Variants in AUTS2 observed in about 807,000 individuals in gnomAD.
The protein encoded by AUTS2 is activator of transcription and developmental regulator AUTS2, also known as autism susceptibility gene 2 protein.
Under a neutral mutation model 112.4 loss-of-function variants are expected in AUTS2, and 17 were observed. The ratio of observed to expected loss-of-function variants is 0.15; its 90% CI spans 0.10 to 0.23. The LOEUF is 0.23. AUTS2 is among the 10% of genes least tolerant of loss of function. AUTS2 has a pLI of 1.00. For synonymous variants in AUTS2, 751 were observed against 702.7 expected, an observed-to-expected ratio of 1.07 and a Z score of -1.09; for missense variants, 1,510 against 1,701.6, an observed-to-expected ratio of 0.89 and a Z score of 1.98.
intron 1 of AUTS2, among the ~76,000 whole-genome samples, chr7:69,623,112 T>G (rs1793752018): frequency 6.6e-6 from 1 of 152,196 alleles, no homozygotes; most frequent in South Asian, 2.1e-4. Context: ...GAGTTGCATA[T>G]CTATACTCCA....
intron 5 of AUTS2, among the ~76,000 whole-genome samples, chr7:70,554,667 G>A (rs925300493): frequency 6.6e-6 from 1 of 152,178 alleles, no homozygotes; most frequent in Non-Finnish European, 1.5e-5. Flanking sequence ...AGAGAAGCCA[G>A]CCTGGAGGTA....
intron 2 of AUTS2, among the ~76,000 whole-genome samples, chr7:69,949,956 G>A (rs1796960954): frequency 6.6e-6 from 1 of 152,170 alleles, no homozygotes; most frequent in Non-Finnish European, 1.5e-5. Context: ...TAACTCTGGT[G>A]TGTACTTCAG....
chr7:69,699,639 G>GTTTTT (rs748794120), intron 1 of AUTS2, among the ~76,000 whole-genome samples: 5 of 111,524 alleles, frequency 4.5e-5, no homozygotes, highest in African/African-American at 1.0e-4. Context: ...CAGTGATAAT[G>GTTTTT]TTTTTTTTTT....
intron 2 of AUTS2, among the ~76,000 whole-genome samples, chr7:69,900,862 A>T (rs1250367424): frequency 6.6e-6 from 1 of 152,172 alleles, no homozygotes; most frequent in Non-Finnish European, 1.5e-5. Flanking sequence ...TTATAATAGT[A>T]ATTATTAACA....
chr7:69,879,180 C>T (rs1484169479), intron 1 of AUTS2, among the ~76,000 whole-genome samples: 1 of 151,934 alleles, frequency 6.6e-6, no homozygotes, highest in African/African-American at 2.4e-5. Flanking sequence ...CTTGCTCTGT[C>T]GCCCAGGCTG....
chr7:70,662,721 T>C (rs570478344), intron 5 of AUTS2, among the ~76,000 whole-genome samples: 12 of 152,272 alleles, frequency 7.9e-5, no homozygotes, highest in Non-Finnish European at 1.5e-4. Flanking sequence ...CATTACAAGA[T>C]TGGGATAAGT....
At chr7:69,856,803 G>C (rs549059864) in intron 1 of AUTS2, among the ~76,000 whole-genome samples, 2 of 152,246 alleles carry the variant, frequency 1.3e-5, no homozygotes, top group South Asian at 4.2e-4. Flanking sequence ...GACACAGTTG[G>C]ATCAGCGGAT....
At chr7:70,277,039 T>C (rs1040134751) in intron 4 of AUTS2, among the ~76,000 whole-genome samples, 11 of 152,168 alleles carry the variant, frequency 7.2e-5, no homozygotes, top group Non-Finnish European at 4.4e-5. Flanking sequence ...GTGTGAAATA[T>C]ACATGGTTTT....
intron 4 of AUTS2, among the ~76,000 whole-genome samples, chr7:70,353,022 T>G (rs957216631): frequency 1.3e-5 from 2 of 152,204 alleles, no homozygotes; most frequent in African/African-American, 4.8e-5. Flanking sequence ...TGACACTCAT[T>G]AGTTACCTCT....
intron 1 of AUTS2, among the ~76,000 whole-genome samples, chr7:69,610,550 C>T (rs915147999): frequency 2.0e-5 from 3 of 152,174 alleles, no homozygotes; most frequent in South Asian, 2.1e-4. Context: ...AGACAGTTTC[C>T]TGCACGTGTT....
intron 4 of AUTS2, among the ~76,000 whole-genome samples, chr7:70,413,207 G>A (rs1469464492): frequency 6.6e-6 from 1 of 152,088 alleles, no homozygotes; most frequent in Non-Finnish European, 1.5e-5. Flanking sequence ...TCTTCAAATA[G>A]CCTTGTGTAT....
intron 4 of AUTS2, among the ~76,000 whole-genome samples, chr7:70,224,094 C>G (rs1811625657): frequency 6.6e-6 from 1 of 152,040 alleles, no homozygotes; most frequent in African/African-American, 2.4e-5. Flanking sequence ...GCAGGTGGAT[C>G]ACTTGAGCCC....
chr7:69,790,124 T>C (rs966317178), intron 1 of AUTS2, among the ~76,000 whole-genome samples: 4 of 150,514 alleles, frequency 2.7e-5, no homozygotes, highest in Admixed American at 1.3e-4. Context: ...CTACTAAAAA[T>C]AAAAAATAAA....
Position 70,774,040 on chromosome 7 carries a change from A to G in AUTS2, c.1843A>G (p.Ile615Val). ...AATTAATTTGTAGACATCCAACCCT[A>G]TCGATGTCGCTGCTCGGCCTGGGAC... Reference protein sequence around the residue: ...GAFQPKTSNPIDVAARPGTVP... With the variant: ...GAFQPKTSNPVDVAARPGTVP... Residue 615 changes from isoleucine to valine, a missense_variant, in exon 12 of 19, where the codon ATC (isoleucine) becomes GTC (valine). By Grantham distance (29) the Ile-to-Val change is conservative (BLOSUM62 3). Coordinates refer to ENST00000342771, the MANE Select transcript of AUTS2 (RefSeq NM_015570.4). 4.3e-6 allele frequency: 7 copies of G among 1,614,176 alleles called. No individual in the cohort carries two copies. The highest frequency in any genetic ancestry group is 5.1e-6 in the Non-Finnish European group (6 of 1,180,020).
chr7:69,689,260 C>T (rs1436314757), intron 1 of AUTS2, among the ~76,000 whole-genome samples: 3 of 151,858 alleles, frequency 2.0e-5, no homozygotes, highest in Non-Finnish European at 4.4e-5. Context: ...AGAGGCTTTC[C>T]CTGACCTCTT....
intron 1 of AUTS2, among the ~76,000 whole-genome samples, chr7:69,764,719 A>G (rs1007181642): frequency 6.6e-6 from 1 of 152,220 alleles, no homozygotes; most frequent in Non-Finnish European, 1.5e-5. Context: ...GCACTTCACT[A>G]TCAGGCAAAC....
intron 1 of AUTS2, among the ~76,000 whole-genome samples, chr7:69,844,328 A>G (rs998991250): frequency 9.2e-5 from 14 of 152,200 alleles, no homozygotes; most frequent in Admixed American, 2.6e-4. Context: ...CTATAAGGAA[A>G]CCAGTCTTAC....
intron 2 of AUTS2, among the ~76,000 whole-genome samples, chr7:70,020,928 C>A (rs1410248058): frequency 6.6e-6 from 1 of 152,216 alleles, no homozygotes; most frequent in African/African-American, 2.4e-5. Context: ...ACCTTGATCT[C>A]CCAAAGTGTT....
intron 2 of AUTS2, among the ~76,000 whole-genome samples, chr7:70,031,303 T>G: frequency 6.6e-6 from 1 of 152,176 alleles, no homozygotes; most frequent in East Asian, 1.9e-4. Flanking sequence ...TCTAATAATC[T>G]ATGGATTTAA....
Sources: gnomAD v4.1 joint callset for allele counts (sites outside exome capture counted in the v4.1 genomes callset) on GRCh38, gnomAD v4.1.1 for gene constraint, MANE v1.5 for transcripts, NCBI Gene and HGNC (gene_info 2026-07-23, HGNC 2026-07-21) for gene names.